Variants in HYAL4 observed in about 807,000 individuals in gnomAD.
HYAL4 encodes the protein hyaluronidase 4.
In HYAL4, 37 loss-of-function variants were observed where a neutral mutation model predicts 35.2. The ratio of observed to expected loss-of-function variants is 1.05; its 90% CI spans 0.81 to 1.38. The LOEUF (loss-of-function observed/expected upper bound fraction) is 1.38. HYAL4 is among the 40% of genes most tolerant of loss of function. The pLI, the probability that HYAL4 is intolerant of heterozygous loss-of-function variation, is 0.00. For missense variants in HYAL4, 572 were observed against 572.4 expected, an observed-to-expected ratio of 1.00 and a Z score of 0.01; for synonymous variants, 198 against 203.2, an observed-to-expected ratio of 0.97 and a Z score of 0.22.
the HYAL4 span, among the ~76,000 whole-genome samples, chr7:123,812,937 G>A: frequency 6.6e-6 from 1 of 152,188 alleles, no homozygotes; most frequent in South Asian, 2.1e-4. Context: ...TCCACATGAA[G>A]GCAATTGTCT....
chr7:123,839,119 A>G (rs1167661931), intron 1 of HYAL4, among the ~76,000 whole-genome samples: 2 of 152,020 alleles, frequency 1.3e-5, no homozygotes, highest in East Asian at 1.9e-4. Flanking sequence ...TATTTCTCCT[A>G]ATGCTATCCC....
the HYAL4 span, among the ~76,000 whole-genome samples, chr7:123,799,205 G>A: frequency 6.7e-6 from 1 of 149,612 alleles, no homozygotes; most frequent in African/African-American, 2.5e-5. Flanking sequence ...CACATTTAAT[G>A]TATTTTCCTC....
the HYAL4 span, among the ~76,000 whole-genome samples, chr7:123,819,083 A>T: frequency 4.6e-5 from 7 of 152,034 alleles, no homozygotes; most frequent in Non-Finnish European, 8.8e-5. Context: ...ACATCTCCTC[A>T]ATCCCCTCTC....
At chr7:123,789,078 GTATTTATCCAGCACA>G in the HYAL4 span, among the ~76,000 whole-genome samples, 1 of 152,172 alleles carries the variant, frequency 6.6e-6, no homozygotes, top group Non-Finnish European at 1.5e-5. Flanking sequence ...CCATGAAGGT[GTATTTATCCAGCACA>G]TATTTATGAA....
At chr7:123,808,526 A>G in the HYAL4 span, among the ~76,000 whole-genome samples, 2 of 151,786 alleles carry the variant, frequency 1.3e-5, no homozygotes, top group Non-Finnish European at 2.9e-5. Flanking sequence ...GTATGAAAAA[A>G]AGCATGGTAA....
the HYAL4 span, among the ~76,000 whole-genome samples, chr7:123,807,574 G>A: frequency 6.6e-6 from 1 of 151,204 alleles, no homozygotes; most frequent in Non-Finnish European, 1.5e-5. Context: ...CTGAGTAGCT[G>A]GGATTACAGG....
At chr7:123,778,521 G>A in the HYAL4 span, among the ~76,000 whole-genome samples, 1 of 151,460 alleles carries the variant, frequency 6.6e-6, no homozygotes, top group South Asian at 2.1e-4. Context: ...ATTTTTAAGA[G>A]CGTGGGCCTC....
At chr7:123,868,141 C>T (rs1806734784) in intron 2 of HYAL4, 82 bp from the exon 3 acceptor site, 2 of 459,536 alleles carry the variant, frequency 4.4e-6, no homozygotes, top group African/African-American at 2.0e-5. Context: ...TACAAATAGT[C>T]ATATATAATA....
In HYAL4 at chr7:123,857,983, G is replaced by A. The variant is rs145961639; in HGVS notation, c.-52+9825G>A. Among the ~76,000 whole-genome samples, 1,360 of 152,152 alleles carry A rather than the reference G, an allele frequency of 8.9e-3. 11 individuals are homozygous for A. The highest frequency in any genetic ancestry group is 0.013 in the Non-Finnish European group (886 of 68,004). ...AGGCTGAGGCAAGTGGATCACTTGA[G>A]CTCAGGAGTTCGAGACCAGCCTGGG... is the stretch of plus-strand genomic sequence containing the variant. On this transcript the variant is annotated intron_variant, in intron 2 of 4. Coordinates refer to ENST00000223026, the MANE Select transcript of HYAL4 (RefSeq NM_012269.3).
At chr7:123,850,476 A>G in intron 2 of HYAL4, among the ~76,000 whole-genome samples, 1 of 152,116 alleles carries the variant, frequency 6.6e-6, no homozygotes, top group East Asian at 1.9e-4. Flanking sequence ...CTTGGGCTCA[A>G]GCGGTCCTCC....
At chr7:123,793,575 C>T in the HYAL4 span, among the ~76,000 whole-genome samples, 1 of 152,142 alleles carries the variant, frequency 6.6e-6, no homozygotes, top group Non-Finnish European at 1.5e-5. Context: ...ATAGTGAGTT[C>T]TCACGAGATC....
the HYAL4 span, among the ~76,000 whole-genome samples, chr7:123,804,561 G>A: frequency 0.83 from 126,506 of 152,208 alleles, 52,658 homozygotes; most frequent in Non-Finnish European, 0.86. Context: ...GTTAGCACTC[G>A]TGCTATTCTC....
At chr7:123,846,834 A>C (rs917186086) in intron 1 of HYAL4, among the ~76,000 whole-genome samples, 1 of 152,114 alleles carries the variant, frequency 6.6e-6, no homozygotes, top group Non-Finnish European at 1.5e-5. Flanking sequence ...TGCTTCCTCT[A>C]TCCCTGTATT....
the HYAL4 span, among the ~76,000 whole-genome samples, chr7:123,802,273 C>T: frequency 2.0e-5 from 3 of 152,160 alleles, no homozygotes. Context: ...TTTATTTAAA[C>T]ATACCCCTTT....
chr7:123,871,190 A>G (rs963220773), intron 3 of HYAL4, among the ~76,000 whole-genome samples: 12 of 148,780 alleles, frequency 8.1e-5, no homozygotes, highest in Non-Finnish European at 4.5e-5. Context: ...AAATCTGCCC[A>G]TGATTTTTTT....
the HYAL4 span, among the ~76,000 whole-genome samples, chr7:123,764,664 A>G: frequency 1.3e-5 from 2 of 152,312 alleles, no homozygotes; most frequent in South Asian, 2.1e-4. Flanking sequence ...GTAGCTCTCT[A>G]TCTCTTTTTC....
At chr7:123,861,635 C>G (rs930083868) in intron 2 of HYAL4, among the ~76,000 whole-genome samples, 2 of 152,012 alleles carry the variant, frequency 1.3e-5, no homozygotes, top group Non-Finnish European at 2.9e-5. Flanking sequence ...AAAAACGAGG[C>G]CTTTCAGACT....
the HYAL4 span, among the ~76,000 whole-genome samples, chr7:123,802,796 A>G: frequency 6.6e-6 from 1 of 152,342 alleles, no homozygotes; most frequent in South Asian, 2.1e-4. Context: ...TTTTAAAAAG[A>G]TGTAGTACCA....
chr7:123,773,959 C>T, the HYAL4 span, among the ~76,000 whole-genome samples: 1 of 151,018 alleles, frequency 6.6e-6, no homozygotes, highest in Non-Finnish European at 1.5e-5. Context: ...GTCTGCTAGG[C>T]AGTGGGGGGT....
Sources: gnomAD v4.1 joint callset for allele counts (sites outside exome capture counted in the v4.1 genomes callset) on GRCh38, gnomAD v4.1.1 for gene constraint, MANE v1.5 for transcripts, NCBI Gene and HGNC (gene_info 2026-07-23, HGNC 2026-07-21) for gene names.